CPEB4: variants seen among roughly 807,000 people sequenced by gnomAD.
CPEB4 encodes cytoplasmic polyadenylation element-binding protein 4.
CPEB4 carries 12 observed loss-of-function variants against 72.5 expected under a neutral mutation model. The observed-to-expected ratio is 0.17, with a 90% CI of 0.11 to 0.27. CPEB4 has a LOEUF of 0.27. CPEB4 is among the 10% of genes least tolerant of loss of function. CPEB4 has a pLI of 1.00. For missense variants in CPEB4, 614 were observed against 908.5 expected (o/e 0.68, Z 4.17); for synonymous variants, 302 against 326.3 (o/e 0.93, Z 0.80).
At chr5:173,949,412 T>G in intron 5 of CPEB4, 96 bp from the exon 6 acceptor site, 1 of 854,342 alleles carries the variant, frequency 1.2e-6, no homozygotes, top group South Asian at 1.6e-5. Context: ...CTTTTTACTG[T>G]TCTTGTAAAT....
Position 173,888,706 on chromosome 5 carries a change from C to T in CPEB4, c.-1028C>T, listed in dbSNP as rs1165980862. 5.1e-6 allele frequency: 2 copies of T among 393,828 alleles called. No homozygotes were observed. Among genetic ancestry groups the T allele is most frequent in the Non-Finnish European group, 9.0e-6 (2 of 223,154 alleles). The allele number at this position is 393,828 out of a possible 1,614,324, so 24.4% of individuals were successfully genotyped here. On this transcript the variant is annotated 5_prime_UTR_variant, in exon 1 of 10. Coordinates refer to ENST00000265085, the MANE Select transcript of CPEB4 (RefSeq NM_030627.4). The surrounding 1 kb of genome is among the most constrained non-coding windows in gnomAD (Gnocchi z 4.3). ...TTCCTTTTTTTCCTCTTTTTTCCCTCTCTGCGGAGAATCGAACTGAGGGAA... is the reference window on the plus strand; with the variant it reads ...TTCCTTTTTTTCCTCTTTTTTCCCTTTCTGCGGAGAATCGAACTGAGGGAA...
At chr5:173,922,399 T>TAA (rs1561618271) in intron 2 of CPEB4, among the ~76,000 whole-genome samples, 1 of 151,952 alleles carries the variant, frequency 6.6e-6, no homozygotes, top group Non-Finnish European at 1.5e-5. Context: ...CCTGGCTAAT[T>TAA]TCTGTATTTT....
rs1387890991 is a variant in CPEB4 at position 173,910,528 on chromosome 5, C to T, written c.1131C>T (p.Arg377=). 2 of 1,612,420 alleles carry T rather than the reference C, an allele frequency of 1.2e-6. No homozygotes were observed. The highest frequency in any genetic ancestry group is 1.7e-5 in the Admixed American group (1 of 59,958). ...RADNIFPFPD[R]PRTFDMHSLE... ...GTGGCTGTTTGTGTCTACAGGATCGCCCCAGGACATTCGACATGCACTCAC... is the reference window on the plus strand; with the variant it reads ...GTGGCTGTTTGTGTCTACAGGATCGTCCCAGGACATTCGACATGCACTCAC... The change falls in exon 2 of 10, where the codon CGC becomes CGT. Residue 377 remains arginine, a synonymous_variant. Coordinates refer to ENST00000265085, the MANE Select transcript of CPEB4 (RefSeq NM_030627.4).
intron 3 of CPEB4, among the ~76,000 whole-genome samples, chr5:173,942,113 C>T (rs747081990): frequency 1.3e-5 from 2 of 152,222 alleles, no homozygotes; most frequent in Non-Finnish European, 1.5e-5. Context: ...ATTCCTGTTA[C>T]ACCTACCACA....
intron 3 of CPEB4, among the ~76,000 whole-genome samples, chr5:173,938,866 A>G (rs572654521): frequency 6.6e-6 from 1 of 152,266 alleles, no homozygotes; most frequent in Non-Finnish European, 1.5e-5. Context: ...TAACAAATAT[A>G]GCAATATAGC....
At chr5:173,915,349 T>G (rs774185863) in intron 2 of CPEB4, among the ~76,000 whole-genome samples, 3 of 152,244 alleles carry the variant, frequency 2.0e-5, no homozygotes, top group African/African-American at 7.2e-5. Context: ...GAGGCTACTA[T>G]GATTTTTTCT....
At chr5:173,895,247 A>T (rs948257077) in intron 1 of CPEB4, among the ~76,000 whole-genome samples, 9 of 152,198 alleles carry the variant, frequency 5.9e-5, no homozygotes, top group African/African-American at 9.7e-5. Context: ...ATATTGGGGC[A>T]CCTGCCAATA....
chr5:173,936,511 T>A (rs1757626842), intron 3 of CPEB4, among the ~76,000 whole-genome samples: 1 of 152,018 alleles, frequency 6.6e-6, no homozygotes, highest in Non-Finnish European at 1.5e-5. Context: ...AGGGTGGGGG[T>A]AGGGGGTGGC....
intron 4 of CPEB4, among the ~76,000 whole-genome samples, chr5:173,944,474 CA>C (rs5873401): frequency 0.41 from 48,597 of 118,602 alleles, 7,726 homozygotes; most frequent in South Asian, 0.51. Context: ...GACACTGTCT[CA>C]AAAAAAAAAA....
At chr5:173,912,642 TA>T (rs34487209) in intron 2 of CPEB4, among the ~76,000 whole-genome samples, 13 of 149,300 alleles carry the variant, frequency 8.7e-5, no homozygotes, top group African/African-American at 2.7e-4. Context: ...TTTTTTTTTT[TA>T]AAAAGTTAAG....
At chr5:173,953,536 T>C (rs1354237365) in intron 9 of CPEB4, 1 of 397,398 alleles carries the variant, frequency 2.5e-6, no homozygotes, top group African/African-American at 2.0e-5. Flanking sequence ...AATCCATCCG[T>C]CCATTCATTC....
At chr5:173,951,409 T>C (rs1476791912) in intron 7 of CPEB4, among the ~76,000 whole-genome samples, 2 of 152,236 alleles carry the variant, frequency 1.3e-5, no homozygotes, top group Non-Finnish European at 2.9e-5. Flanking sequence ...GTAGTTTGCA[T>C]TTCCTAGACA....
chr5:173,935,454 T>C (rs6556096), intron 3 of CPEB4, among the ~76,000 whole-genome samples: 142,836 of 152,230 alleles, frequency 0.94, 67,074 homozygotes, highest in East Asian at 1. Flanking sequence ...CCTTGTCCAC[T>C]GTAATCTATT....
intron 1 of CPEB4, among the ~76,000 whole-genome samples, chr5:173,904,637 A>G (rs1465858095): frequency 6.6e-6 from 1 of 152,106 alleles, no homozygotes; most frequent in Admixed American, 6.6e-5. Flanking sequence ...ATTCAAATGT[A>G]TGTCTTAATT....
intron 2 of CPEB4, among the ~76,000 whole-genome samples, chr5:173,918,907 G>T (rs986871661): frequency 9.9e-5 from 15 of 152,172 alleles, no homozygotes; most frequent in Non-Finnish European, 1.9e-4. Flanking sequence ...TTGAGGCCAT[G>T]AAAATCGGTT....
chr5:173,956,262 A>G lies in CPEB4; in HGVS notation c.*125A>G. Reference sequence around the variant, plus strand: ...TAGCAGTCTGTAACTTAACTATAGTATAATGAAAAGAATGACCTATAATAT... The same window carrying G: ...TAGCAGTCTGTAACTTAACTATAGTGTAATGAAAAGAATGACCTATAATAT... On this transcript the variant is annotated 3_prime_UTR_variant, in exon 10 of 10. Transcript: ENST00000265085. 1 of 689,372 alleles carries G rather than the reference A, an allele frequency of 1.5e-6. No individual in the cohort carries two copies. The highest frequency in any genetic ancestry group is 1.8e-5 in the South Asian group (1 of 54,312). 42.7% of individuals were successfully genotyped at this position (689,372 alleles called of 1,614,324 possible).
At chr5:173,939,991 A>G (rs1757778004) in intron 3 of CPEB4, among the ~76,000 whole-genome samples, 1 of 150,500 alleles carries the variant, frequency 6.6e-6, no homozygotes, top group African/African-American at 2.4e-5. Flanking sequence ...GTGGTGGTGT[A>G]TAGTCCCAGC....
intron 2 of CPEB4, among the ~76,000 whole-genome samples, chr5:173,922,360 A>G (rs1198978877): frequency 6.6e-6 from 1 of 151,990 alleles, no homozygotes; most frequent in Non-Finnish European, 1.5e-5. Flanking sequence ...CCTCCCAAGT[A>G]GCTGGAACTA....
At chr5:173,896,224 C>T (rs560713891) in intron 1 of CPEB4, among the ~76,000 whole-genome samples, 2 of 152,274 alleles carry the variant, frequency 1.3e-5, no homozygotes, top group East Asian at 3.9e-4. Flanking sequence ...GAATAATGTG[C>T]TTCTCTTTAA....
Sources: allele counts gnomAD v4.1 joint callset (sites outside exome capture counted in the v4.1 genomes callset), GRCh38; gene constraint gnomAD v4.1.1; non-coding constraint Gnocchi (gnomAD v3.1); transcripts MANE v1.5; gene names NCBI Gene and HGNC (gene_info 2026-07-23, HGNC 2026-07-21).